The following CNTNAP2 variants were observed in gnomAD, a reference collection of about 807,000 sequenced individuals.
The protein encoded by CNTNAP2 is contactin-associated protein-like 2.
CNTNAP2 carries 98 observed loss-of-function variants against 155.2 expected under a neutral mutation model. The observed-to-expected ratio is 0.63, with a 90% CI of 0.54 to 0.75. The LOEUF is 0.75. Ranked by LOEUF, CNTNAP2 falls within the 30% of genes least tolerant of loss-of-function variation. The probability of loss-of-function intolerance (pLI) is 0.00; values close to 1 mark genes in which losing one functional copy is unlikely to be tolerated. For missense variants in CNTNAP2, 1,727 were observed against 1,688.1 expected, an observed-to-expected ratio of 1.02 and a Z score of -0.40; for synonymous variants, 651 against 631.2, an observed-to-expected ratio of 1.03 and a Z score of -0.47.
intron 9 of CNTNAP2, among the ~76,000 whole-genome samples, chr7:147,380,566 C>T (rs889108845): frequency 1.3e-5 from 2 of 151,840 alleles, no homozygotes; most frequent in Non-Finnish European, 2.9e-5. Flanking sequence ...TCCTAAGCAT[C>T]AAAGCCAAAA....
At chr7:148,108,956 T>C (rs1420022411) in intron 15 of CNTNAP2, among the ~76,000 whole-genome samples, 2 of 152,186 alleles carry the variant, frequency 1.3e-5, no homozygotes, top group Non-Finnish European at 2.9e-5. Context: ...ATTTATACAA[T>C]TATACATTGT....
At chr7:147,117,913 T>A (rs1801021827) in intron 5 of CNTNAP2, among the ~76,000 whole-genome samples, 1 of 152,112 alleles carries the variant, frequency 6.6e-6, no homozygotes, top group Non-Finnish European at 1.5e-5. Flanking sequence ...CTTAGTTACA[T>A]AAAATATTAT....
At chr7:147,005,741 G>A (rs1348649354) in intron 3 of CNTNAP2, among the ~76,000 whole-genome samples, 1 of 152,060 alleles carries the variant, frequency 6.6e-6, no homozygotes, top group African/African-American at 2.4e-5. Flanking sequence ...TCTGGGTACT[G>A]AAAGGAAGCC....
chr7:147,304,556 TAAG>T (rs1563153318), intron 9 of CNTNAP2, among the ~76,000 whole-genome samples: 3 of 152,116 alleles, frequency 2.0e-5, no homozygotes. Context: ...AGAGGAGAGA[TAAG>T]AAGCTTCTAG....
chr7:146,525,123 C>T (rs1355927391), intron 1 of CNTNAP2, among the ~76,000 whole-genome samples: 2 of 151,660 alleles, frequency 1.3e-5, no homozygotes, highest in African/African-American at 4.8e-5. Flanking sequence ...ATAAGTTGAT[C>T]ATGGTTAGGT....
chr7:146,565,837 G>T (rs190283696), intron 1 of CNTNAP2, among the ~76,000 whole-genome samples: 1 of 152,364 alleles, frequency 6.6e-6, no homozygotes, highest in Non-Finnish European at 1.5e-5. Context: ...AAAACTGCAA[G>T]CTTTAAGGAA....
intron 9 of CNTNAP2, among the ~76,000 whole-genome samples, chr7:147,303,643 T>A (rs1429269641): frequency 6.6e-6 from 1 of 152,260 alleles, no homozygotes; most frequent in Non-Finnish European, 1.5e-5. Context: ...ATTTTGAATA[T>A]GGCTTTATCA....
At chr7:148,208,531 G>A (rs10254881) in intron 18 of CNTNAP2, among the ~76,000 whole-genome samples, 127,986 of 152,096 alleles carry the variant, frequency 0.84, 54,937 homozygotes, top group East Asian at 0.97. Flanking sequence ...GCCTTACAGA[G>A]AAGCTGAAAG....
intron 1 of CNTNAP2, among the ~76,000 whole-genome samples, chr7:146,411,085 C>CATTT (rs1795858248): frequency 2.0e-5 from 3 of 151,778 alleles, no homozygotes; most frequent in Non-Finnish European, 4.4e-5. Flanking sequence ...AAGTTCAAGA[C>CATTT]ATTTATTATA....
intron 13 of CNTNAP2, among the ~76,000 whole-genome samples, chr7:147,742,306 AATGC>A (rs1184204482): frequency 3.9e-5 from 6 of 152,216 alleles, no homozygotes; most frequent in African/African-American, 1.2e-4. Context: ...AAAACATTTG[AATGC>A]ATGAATTGGC....
At chr7:147,538,260 G>A (rs971743716) in intron 11 of CNTNAP2, among the ~76,000 whole-genome samples, 10 of 152,180 alleles carry the variant, frequency 6.6e-5, no homozygotes, top group African/African-American at 2.4e-4. Flanking sequence ...TTCTATTGCA[G>A]ACAATTATTT....
At chr7:147,918,286 G>A (rs931208896) in intron 14 of CNTNAP2, among the ~76,000 whole-genome samples, 3 of 152,158 alleles carry the variant, frequency 2.0e-5, no homozygotes, top group African/African-American at 7.2e-5. Flanking sequence ...CAAATGTGTA[G>A]CACTTTAGAG....
chr7:147,475,808 G>C (rs919951162), intron 10 of CNTNAP2, among the ~76,000 whole-genome samples: 2 of 152,162 alleles, frequency 1.3e-5, no homozygotes, highest in Admixed American at 6.5e-5. Flanking sequence ...GGCAAAGGAA[G>C]AAGGAGGTCT....
intron 8 of CNTNAP2, among the ~76,000 whole-genome samples, chr7:147,262,621 G>A (rs1482238580): frequency 6.6e-6 from 1 of 152,094 alleles, no homozygotes; most frequent in African/African-American, 2.4e-5. Context: ...TGGCTAACAC[G>A]GTGAAACCCC....
chr7:147,590,153 A>C (rs1800709835), intron 12 of CNTNAP2, among the ~76,000 whole-genome samples: 1 of 152,226 alleles, frequency 6.6e-6, no homozygotes, highest in Non-Finnish European at 1.5e-5. Context: ...AGTCACACAA[A>C]AACAGGTGGC....
intron 1 of CNTNAP2, among the ~76,000 whole-genome samples, chr7:146,357,721 T>C (rs1279133904): frequency 3.3e-5 from 5 of 152,258 alleles, no homozygotes; most frequent in East Asian, 1.9e-4. Context: ...ATCTTATAGG[T>C]AAGATACACT....
chr7:147,021,951 A>G (rs951603962), intron 3 of CNTNAP2, among the ~76,000 whole-genome samples: 2 of 152,150 alleles, frequency 1.3e-5, no homozygotes, highest in Non-Finnish European at 2.9e-5. Flanking sequence ...TATTTTAGGT[A>G]TGGCTATGCA....
chr7:146,383,830 C>G lies in CNTNAP2; in HGVS notation c.97+266857C>G, dbSNP rs545672837. On this transcript the variant is annotated intron_variant, in intron 1 of 23. Transcript: ENST00000361727. ...AACTATCACTATGAAAGTGGAGATG[C>G]CTTTTTTGGAAGAGTTATCATATCT... Among the ~76,000 whole-genome samples, 21 of 152,232 alleles carry G rather than the reference C, an allele frequency of 1.4e-4. No individual in the cohort carries two copies. The East Asian group carries it at 3.5e-3, about 25-fold the overall frequency.
At chr7:146,151,017 C>A (rs1212216831) in intron 1 of CNTNAP2, among the ~76,000 whole-genome samples, 1 of 152,046 alleles carries the variant, frequency 6.6e-6, no homozygotes. Flanking sequence ...AAGCAAGGCA[C>A]CTTCATCACA....
Sources: gnomAD v4.1 joint callset for allele counts (sites outside exome capture counted in the v4.1 genomes callset) on GRCh38, gnomAD v4.1.1 for gene constraint, MANE v1.5 for transcripts, NCBI Gene and HGNC (gene_info 2026-07-23, HGNC 2026-07-21) for gene names.